EVC: variants seen among roughly 807,000 people sequenced by gnomAD.
The protein encoded by EVC is evC complex member EVC.
Under a neutral mutation model 118.9 loss-of-function variants are expected in EVC, and 116 were observed. The ratio of observed to expected loss-of-function variants is 0.98; its 90% confidence interval spans 0.84 to 1.14. The LOEUF (loss-of-function observed/expected upper bound fraction) is 1.14, where lower values mean the gene tolerates loss of function less well. EVC is among the 50% of genes most tolerant of loss of function. The pLI is 0.00. For missense variants in EVC, 1,401 were observed against 1,246.4 expected, an observed-to-expected ratio of 1.12 and a Z score of -1.87; for synonymous variants, 619 against 534.7, an observed-to-expected ratio of 1.16 and a Z score of -2.18.
chr4:5,821,124 GAC>G, the EVC span: 1 of 152,456 alleles, frequency 6.6e-6, no homozygotes, highest in Admixed American at 6.5e-5. This position sits in a 1 kb window ranked among gnomAD's most constrained non-coding sequence, Gnocchi z 4.4. Flanking sequence ...CAGGGTTTCT[GAC>G]ACAGGATGTG....
At position 5,804,783 on chromosome 4, in the gene EVC, T is replaced by A. The variant is rs1483123374; in HGVS notation, c.2503T>A (p.Ser835Thr). 1 of 1,613,940 alleles carries A rather than the reference T, an allele frequency of 6.2e-7. No individual in the cohort carries two copies. Among genetic ancestry groups the A allele is most frequent in the Non-Finnish European group, 8.5e-7 (1 of 1,180,024 alleles). ...LRKKQELSNPSSGSRTAGGAH... is the reference protein window; with the variant it reads ...LRKKQELSNPTSGSRTAGGAH... ...GAAAAAGCAAGAACTCAGCAACCCT[T>A]CGTCGGGCAGCAGGACGGCAGGTGG... The change falls in exon 17 of 21, where the codon TCG (serine) becomes ACG (threonine). Residue 835 changes from serine (S) to threonine (T), a missense_variant. Transcript: ENST00000264956.
intron 2 of EVC, among the ~76,000 whole-genome samples, chr4:5,721,799 G>A (rs552829899): frequency 2.0e-5 from 3 of 152,254 alleles, no homozygotes; most frequent in South Asian, 4.1e-4. Flanking sequence ...CCCAGGAGGC[G>A]GAGGTTGCCA....
chr4:5,714,792 TTTTGTTTTTTG>T (rs761494511), intron 1 of EVC, among the ~76,000 whole-genome samples: 2 of 152,226 alleles, frequency 1.3e-5, no homozygotes, highest in Admixed American at 6.5e-5. Flanking sequence ...TATTCTCTTT[TTTTGTTTTTTG>T]TTTGTTTTTT....
intron 11 of EVC, among the ~76,000 whole-genome samples, chr4:5,778,425 CA>C (rs1237409151): frequency 6.6e-6 from 1 of 151,162 alleles, no homozygotes; most frequent in African/African-American, 2.4e-5. Context: ...CTGACTTCCA[CA>C]ATGGTTGAAC....
At chr4:5,752,127 C>T (rs959328257) in intron 8 of EVC, among the ~76,000 whole-genome samples, 17 of 151,976 alleles carry the variant, frequency 1.1e-4, no homozygotes, top group Non-Finnish European at 2.1e-4. Flanking sequence ...CTGAGCTGGG[C>T]GTGGCTGGGA....
intron 12 of EVC, among the ~76,000 whole-genome samples, chr4:5,786,580 T>A (rs549091603): frequency 1.3e-5 from 2 of 152,266 alleles, no homozygotes; most frequent in East Asian, 3.9e-4. Flanking sequence ...CTGCCTTAAA[T>A]TAACACATGA....
rs747808287 is a variant in EVC, at chr4:5,798,581, C to T, written c.2098-5C>T. ...GGCCCCTGCTCCCAGTCCTTTCCCTCCCAGGAGGCGCGTGTGCTGGAGGAG... is the reference window on the plus strand; with the variant it reads ...GGCCCCTGCTCCCAGTCCTTTCCCTTCCAGGAGGCGCGTGTGCTGGAGGAG... On this transcript the variant is annotated splice_region_variant and splice_polypyrimidine_tract_variant and intron_variant, in intron 14 of 20. Transcript: ENST00000264956. This position sits in a 1 kb window ranked among gnomAD's most constrained non-coding sequence, Gnocchi z 4.1. 3.9e-5 allele frequency: 60 copies of T among 1,557,452 alleles called. No individual in the cohort carries two copies. Among genetic ancestry groups the T allele is most frequent in the South Asian group, 7.1e-5 (6 of 84,482 alleles).
At chr4:5,723,174 A>C (rs1577335294) in intron 2 of EVC, among the ~76,000 whole-genome samples, 1 of 147,508 alleles carries the variant, frequency 6.8e-6, no homozygotes, top group Non-Finnish European at 1.5e-5. Context: ...TGGACCCAGC[A>C]CCAACATCCT....
intron 11 of EVC, among the ~76,000 whole-genome samples, chr4:5,774,884 T>C (rs1734489803): frequency 6.6e-6 from 1 of 152,180 alleles, no homozygotes; most frequent in Admixed American, 6.5e-5. Flanking sequence ...AAGTGACATA[T>C]GCCAGCATTA....
chr4:5,816,082 C>G (rs1449260179), downstream of EVC, among the ~76,000 whole-genome samples: 5 of 152,232 alleles, frequency 3.3e-5, no homozygotes, highest in African/African-American at 1.2e-4. Context: ...AAACAACATT[C>G]TTAGCCCCAT....
chr4:5,804,313 G>T (rs911498447), intron 16 of EVC, among the ~76,000 whole-genome samples: 4 of 152,176 alleles, frequency 2.6e-5, no homozygotes, highest in African/African-American at 9.6e-5. Context: ...GGAGCTCCAA[G>T]AAATGGGGCA....
the EVC span, among the ~76,000 whole-genome samples, chr4:5,822,057 C>G: frequency 5.6e-4 from 78 of 138,758 alleles, no homozygotes; most frequent in Non-Finnish European, 2.9e-4. Flanking sequence ...GCTCCCCCCA[C>G]CTTCAGCCCT....
intron 2 of EVC, among the ~76,000 whole-genome samples, chr4:5,724,370 A>G (rs899887946): frequency 2.6e-5 from 4 of 152,188 alleles, no homozygotes; most frequent in Non-Finnish European, 5.9e-5. Context: ...ATGCCTCAGT[A>G]TCTGATATAG....
intron 11 of EVC, among the ~76,000 whole-genome samples, chr4:5,758,872 A>C (rs1018830344): frequency 6.6e-6 from 1 of 152,200 alleles, no homozygotes; most frequent in African/African-American, 2.4e-5. Context: ...AGTAAAGGGG[A>C]TGCAGCACAG....
At chr4:5,771,040 A>G (rs17747421) in intron 11 of EVC, among the ~76,000 whole-genome samples, 3,342 of 152,166 alleles carry the variant, frequency 0.022, 54 homozygotes, top group Middle Eastern at 0.044. Flanking sequence ...AAATACATCA[A>G]TGCATCAGCT....
At chr4:5,797,882 C>G (rs775063346) in intron 14 of EVC, among the ~76,000 whole-genome samples, 3 of 152,198 alleles carry the variant, frequency 2.0e-5, no homozygotes, top group Non-Finnish European at 2.9e-5. Context: ...CCTCTGTGGT[C>G]TCTTTGAAGT....
Position 5,746,980 on chromosome 4 carries a change from C to T in EVC, c.940-1168C>T, listed in dbSNP as rs766731450. ...GTTGGCAGGTGACAGTCTGCAGTCA[C>T]GTGGCAGGTGGAAGGCAGGTCATCT... On this transcript the variant is annotated intron_variant, in intron 7 of 20. Transcript: ENST00000264956. The surrounding 1 kb of genome is among the most constrained non-coding windows in gnomAD (Gnocchi z 5.8). Among the ~76,000 whole-genome samples the T allele has an allele frequency of 1.2e-4, 18 of 151,962 alleles. No homozygotes were observed. Among genetic ancestry groups the T allele is most frequent in the Non-Finnish European group, 1.9e-4 (13 of 68,018 alleles).
At chr4:5,745,059 T>C (rs1189911179) in intron 6 of EVC, 145 bp from the exon 7 acceptor site, 2 of 752,278 alleles carry the variant, frequency 2.7e-6, no homozygotes, top group South Asian at 3.7e-5. Context: ...TCAAACCTCA[T>C]GTACAACAAC....
Position 5,801,940 on chromosome 4 carries a change from C to G in EVC, c.2305-10C>G, listed in dbSNP as rs761006253. On this transcript the variant is annotated splice_polypyrimidine_tract_variant and intron_variant, in intron 15 of 20. Transcript: ENST00000264956. ...TCTCTGCTGTCCCTGTCCTTCCTTT[C>G]TTCCCTCAGAGGACACTGATGGAGG... 2.5e-6 allele frequency: 4 copies of G among 1,612,728 alleles called. No individual in the cohort carries two copies. Among genetic ancestry groups the G allele is most frequent in the Non-Finnish European group, 3.4e-6 (4 of 1,179,852 alleles).
Sources: allele counts gnomAD v4.1 joint callset (sites outside exome capture counted in the v4.1 genomes callset), GRCh38; gene constraint gnomAD v4.1.1; non-coding constraint Gnocchi (gnomAD v3.1); transcripts MANE v1.5; gene names NCBI Gene and HGNC (gene_info 2026-07-23, HGNC 2026-07-21).